The following CSMD1 variants were observed in gnomAD, a reference collection of about 807,000 sequenced individuals.
CSMD1 encodes CUB and Sushi multiple domains 1.
In CSMD1, 213 loss-of-function variants were observed where a neutral mutation model predicts 417.5. That is an observed-to-expected ratio of 0.51 (90% CI 0.46 to 0.57). CSMD1 has a LOEUF of 0.57. Among genes scored for constraint, CSMD1 ranks in the 20% least tolerant of loss-of-function variants. CSMD1 has a pLI of 0.00. For missense variants in CSMD1, 6,923 were observed against 4,529.7 expected, an observed-to-expected ratio of 1.53 and a Z score of -15.17; for synonymous variants, 2,862 against 1,736.8, an observed-to-expected ratio of 1.65 and a Z score of -16.11.
chr8:3,480,862 A>G (rs778104012), intron 11 of CSMD1, among the ~76,000 whole-genome samples: 9 of 152,048 alleles, frequency 5.9e-5, no homozygotes, highest in Non-Finnish European at 1.0e-4. Flanking sequence ...TTGCAAATTA[A>G]GAGTAGGTGG....
chr8:4,638,755 G>A (rs188792565), intron 1 of CSMD1, among the ~76,000 whole-genome samples: 19 of 152,266 alleles, frequency 1.2e-4, no homozygotes, highest in African/African-American at 4.3e-4. Context: ...CACCCTGAGG[G>A]TTTAGGATTG....
intron 3 of CSMD1, among the ~76,000 whole-genome samples, chr8:4,288,602 C>T (rs1301070093): frequency 6.6e-6 from 1 of 152,188 alleles, no homozygotes; most frequent in African/African-American, 2.4e-5. Flanking sequence ...AGCTGGAGTT[C>T]CTGCCACTGG....
chr8:3,601,440 T>C (rs760932243), intron 8 of CSMD1, among the ~76,000 whole-genome samples: 1 of 152,174 alleles, frequency 6.6e-6, no homozygotes, highest in African/African-American at 2.4e-5. Context: ...AGCAAGCCCA[T>C]CTGTATTTAG....
rs368766044 is a variant in CSMD1, at chr8:4,435,353, TTTAA to T, written c.303-15292_303-15289del. ...AGGATTATGGAGTTTTGAGGCCTTA[TTTAA>T]TTATTAGGAGAAAACTCAGAGTTCC... On this transcript the variant is annotated intron_variant, in intron 2 of 69. Transcript: ENST00000635120. Among the ~76,000 whole-genome samples, 58 of 152,254 alleles carry T rather than the reference TTTAA, an allele frequency of 3.8e-4. 1 individual carries two copies. Among genetic ancestry groups the T allele is most frequent in the South Asian group, 2.5e-3 (12 of 4,818 alleles).
intron 59 of CSMD1, among the ~76,000 whole-genome samples, chr8:2,964,434 C>G (rs570953485): frequency 3.3e-5 from 5 of 152,296 alleles, no homozygotes; most frequent in Admixed American, 3.3e-4. Flanking sequence ...TGGAAGAGAC[C>G]TGAGCTACAT....
intron 10 of CSMD1, among the ~76,000 whole-genome samples, chr8:3,566,410 C>T (rs1434477203): frequency 6.6e-6 from 1 of 151,950 alleles, no homozygotes; most frequent in Admixed American, 6.6e-5. Context: ...GGACATACAG[C>T]CATCCCTTCA....
chr8:3,890,575 G>C (rs1426146340), intron 5 of CSMD1, among the ~76,000 whole-genome samples: 2 of 152,062 alleles, frequency 1.3e-5, no homozygotes, highest in African/African-American at 2.4e-5. Context: ...TAACACATAA[G>C]GTTTTTATGC....
At chr8:3,992,661 G>T (rs1814849941) in intron 5 of CSMD1, among the ~76,000 whole-genome samples, 1 of 152,100 alleles carries the variant, frequency 6.6e-6, no homozygotes, top group South Asian at 2.1e-4. Flanking sequence ...TGCACCTGTA[G>T]TCCCAGATAC....
At position 3,671,496 on chromosome 8, in the gene CSMD1, CATATAT is replaced by C. The variant is rs200669319; in HGVS notation, c.1009+36912_1009+36917del. ...TCATATATATACTCATATATATGAT[CATATAT>C]ATATATATATGATCATATATATGAT... is the stretch of plus-strand genomic sequence containing the variant. On this transcript the variant is annotated intron_variant, in intron 7 of 69. Transcript: ENST00000635120. Among the ~76,000 whole-genome samples, 11 of 12,356 alleles carry C rather than the reference CATATAT, an allele frequency of 8.9e-4. 1 individual carries two copies. Among genetic ancestry groups the C allele is most frequent in the South Asian group, 5.1e-3 (3 of 588 alleles). 8.1% of individuals were successfully genotyped at this position (12,356 alleles called of 152,430 possible).
intron 3 of CSMD1, among the ~76,000 whole-genome samples, chr8:4,138,365 G>A (rs960555077): frequency 1.3e-5 from 2 of 152,036 alleles, no homozygotes; most frequent in African/African-American, 4.8e-5. Context: ...AGGAGTCAGT[G>A]TTCTGATACC....
chr8:3,256,888 C>CA (rs888955542), intron 26 of CSMD1, among the ~76,000 whole-genome samples: 5 of 151,822 alleles, frequency 3.3e-5, no homozygotes, highest in Non-Finnish European at 5.9e-5. Context: ...AACTCTTAGC[C>CA]AAAAAAATTC....
intron 25 of CSMD1, among the ~76,000 whole-genome samples, chr8:3,302,612 A>C (rs1804504749): frequency 6.6e-6 from 1 of 152,086 alleles, no homozygotes; most frequent in African/African-American, 2.4e-5. Flanking sequence ...CAACACAACT[A>C]CCCTCTTTGC....
intron 7 of CSMD1, among the ~76,000 whole-genome samples, chr8:3,674,489 A>C (rs752803466): frequency 4.6e-5 from 7 of 152,306 alleles, no homozygotes; most frequent in Non-Finnish European, 7.4e-5. Context: ...ACTACTCTTA[A>C]AAGTATTGGA....
At chr8:4,094,705 G>C (rs897364692) in intron 3 of CSMD1, among the ~76,000 whole-genome samples, 3 of 152,170 alleles carry the variant, frequency 2.0e-5, no homozygotes, top group African/African-American at 7.2e-5. Flanking sequence ...CCGGCTTCTA[G>C]AGAGACAGGG....
chr8:3,502,527 G>T (rs775404888), intron 10 of CSMD1, among the ~76,000 whole-genome samples: 10 of 152,080 alleles, frequency 6.6e-5, no homozygotes, highest in Non-Finnish European at 1.2e-4. Flanking sequence ...TATTATTCAG[G>T]GCTAAAAGGA....
At chr8:4,173,395 G>A (rs888677129) in intron 3 of CSMD1, among the ~76,000 whole-genome samples, 1 of 152,136 alleles carries the variant, frequency 6.6e-6, no homozygotes, top group South Asian at 2.1e-4. Flanking sequence ...ATAAAGAGAA[G>A]TTTGCATTTA....
At chr8:3,711,745 A>T (rs4355797) in intron 6 of CSMD1, among the ~76,000 whole-genome samples, 50,144 of 152,052 alleles carry the variant, frequency 0.33, 8,436 homozygotes, top group East Asian at 0.49. Flanking sequence ...TGGCAAACGT[A>T]TCACCCCCAC....
intron 3 of CSMD1, among the ~76,000 whole-genome samples, chr8:4,254,221 C>A (rs1282192750): frequency 5.9e-5 from 9 of 152,064 alleles, no homozygotes; most frequent in African/African-American, 2.2e-4. Context: ...CAAGCCTTTC[C>A]TTTTATCTTT....
At chr8:3,848,883 A>G (rs538783333) in intron 5 of CSMD1, among the ~76,000 whole-genome samples, 14 of 151,888 alleles carry the variant, frequency 9.2e-5, no homozygotes, top group African/African-American at 3.1e-4. Context: ...AATGCTAAAG[A>G]GTGATATAAA....
Sources: gnomAD v4.1 joint callset for allele counts (sites outside exome capture counted in the v4.1 genomes callset) on GRCh38, gnomAD v4.1.1 for gene constraint, MANE v1.5 for transcripts, NCBI Gene and HGNC (gene_info 2026-07-23, HGNC 2026-07-21) for gene names.